TEX36: variants seen among roughly 807,000 people sequenced by gnomAD.
TEX36 encodes the protein testis-expressed protein 36.
TEX36 carries 12 observed loss-of-function variants against 13.6 expected under a neutral mutation model. The ratio of observed to expected loss-of-function variants is 0.88; its 90% CI spans 0.56 to 1.43. The LOEUF (loss-of-function observed/expected upper bound fraction) is 1.43. TEX36 is among the 40% of genes most tolerant of loss of function. The pLI is 0.00. For synonymous variants in TEX36, 93 were observed against 83.0 expected (o/e 1.12, Z -0.65); for missense variants, 224 against 228.3 (o/e 0.98, Z 0.12).
intron 2 of TEX36, among the ~76,000 whole-genome samples, chr10:125,661,331 A>G (rs1414160262): frequency 6.6e-6 from 1 of 152,188 alleles, no homozygotes; most frequent in Non-Finnish European, 1.5e-5. Context: ...AAAGTCATAA[A>G]AATTATCTTT....
At chr10:125,614,319 C>T (rs992204909) in intron 3 of TEX36, among the ~76,000 whole-genome samples, 176 of 152,210 alleles carry the variant, frequency 1.2e-3, no homozygotes, top group African/African-American at 3.8e-3. Flanking sequence ...GCTTTTGTTG[C>T]CATTGCTTTT....
At chr10:125,589,071 A>G (rs1168781532) in intron 3 of TEX36, among the ~76,000 whole-genome samples, 1 of 152,226 alleles carries the variant, frequency 6.6e-6, no homozygotes, top group Admixed American at 6.5e-5. Context: ...TATGGAGAGG[A>G]AAACATCAAA....
intron 3 of TEX36, among the ~76,000 whole-genome samples, chr10:125,644,899 G>A (rs1846744616): frequency 1.3e-5 from 2 of 152,174 alleles, no homozygotes; most frequent in South Asian, 4.1e-4. Flanking sequence ...CTTGAGAGAG[G>A]CATTCCACTC....
downstream of TEX36, among the ~76,000 whole-genome samples, chr10:125,619,654 T>G (rs1846403977): frequency 1.3e-5 from 2 of 151,874 alleles, no homozygotes; most frequent in Non-Finnish European, 2.9e-5. Context: ...GGGTCCAGGT[T>G]CAAGCAATTC....
chr10:125,611,458 A>G (rs1846289000), intron 3 of TEX36, among the ~76,000 whole-genome samples: 1 of 152,240 alleles, frequency 6.6e-6, no homozygotes, highest in Non-Finnish European at 1.5e-5. Context: ...TGATGACAAC[A>G]GAAGGCAAAT....
At chr10:125,662,809 G>A (rs1589781426) in intron 1 of TEX36, among the ~76,000 whole-genome samples, 1 of 152,144 alleles carries the variant, frequency 6.6e-6, no homozygotes, top group African/African-American at 2.4e-5. Context: ...CTGTAGGTGT[G>A]GGCAGTGAGG....
chr10:125,582,837 T>C (rs1293129503), intron 3 of TEX36, among the ~76,000 whole-genome samples: 1 of 152,200 alleles, frequency 6.6e-6, no homozygotes, highest in Non-Finnish European at 1.5e-5. Flanking sequence ...TGTCAATATA[T>C]AGCCAAATGG....
downstream of TEX36, among the ~76,000 whole-genome samples, chr10:125,620,954 G>T (rs1846423851): frequency 1.3e-5 from 2 of 152,100 alleles, 1 homozygote; most frequent in Non-Finnish European, 2.9e-5. Flanking sequence ...GCATGTGTCA[G>T]AATTTCCTTC....
intron 3 of TEX36, among the ~76,000 whole-genome samples, chr10:125,602,851 C>G (rs1021101441): frequency 6.6e-6 from 1 of 152,230 alleles, no homozygotes; most frequent in African/African-American, 2.4e-5. Flanking sequence ...CCATGGAATA[C>G]TCGTTAAGAA....
rs188491803 is a variant in TEX36, at chr10:125,650,002, C to A, written c.264+11019G>T. On this transcript the variant is annotated intron_variant, in intron 3 of 3. Transcript: ENST00000526819. ...GAGCACCCAGATTCACAAAGCAAGTCCTTAGAGACCTAGAAAGAGACTTAG... is the reference window on the plus strand; with the variant it reads ...GAGCACCCAGATTCACAAAGCAAGTACTTAGAGACCTAGAAAGAGACTTAG... 2.1e-4 allele frequency among the ~76,000 whole-genome samples: 32 copies of A among 152,226 alleles called. 1 individual carries two copies. The East Asian group carries it at 6.2e-3, about 29-fold the overall frequency.
intron 3 of TEX36, among the ~76,000 whole-genome samples, chr10:125,644,285 A>T (rs1304071241): frequency 6.6e-6 from 1 of 152,236 alleles, no homozygotes; most frequent in African/African-American, 2.4e-5. Flanking sequence ...TAGACAAAAA[A>T]TATAAAGGAA....
chr10:125,648,429 G>A (rs1260850379), intron 3 of TEX36, among the ~76,000 whole-genome samples: 1 of 152,174 alleles, frequency 6.6e-6, no homozygotes, highest in African/African-American at 2.4e-5. Context: ...CAACAGACCT[G>A]CAGCTGAGGG....
intron 3 of TEX36, among the ~76,000 whole-genome samples, chr10:125,627,686 A>G (rs1469733017): frequency 6.6e-6 from 1 of 152,238 alleles, no homozygotes; most frequent in Non-Finnish European, 1.5e-5. Context: ...ACAAATATAC[A>G]AATAAATAAT....
At chr10:125,593,152 C>T (rs1846042342) in intron 3 of TEX36, among the ~76,000 whole-genome samples, 1 of 152,250 alleles carries the variant, frequency 6.6e-6, no homozygotes, top group South Asian at 2.1e-4. Flanking sequence ...GTTGATTCTT[C>T]TGGCAACCAT....
chr10:125,622,885 C>A (rs1323447878), intron 3 of TEX36, among the ~76,000 whole-genome samples: 1 of 152,188 alleles, frequency 6.6e-6, no homozygotes, highest in South Asian at 2.1e-4. Context: ...GTGTTAACTT[C>A]CAGTTCAATG....
At chr10:125,618,680 G>A (rs1383426128), downstream of TEX36, among the ~76,000 whole-genome samples, 2 of 151,942 alleles carry the variant, frequency 1.3e-5, no homozygotes, top group Non-Finnish European at 2.9e-5. Context: ...TGATACCATG[G>A]CCTTCAGCTA....
At chr10:125,680,542 G>A (rs1176802173) in intron 1 of TEX36, among the ~76,000 whole-genome samples, 1 of 152,114 alleles carries the variant, frequency 6.6e-6, no homozygotes, top group African/African-American at 2.4e-5. Context: ...AAATAGGAAG[G>A]GGCAAGTGTG....
At chr10:125,611,898 C>T (rs1288613793) in intron 3 of TEX36, among the ~76,000 whole-genome samples, 1 of 151,812 alleles carries the variant, frequency 6.6e-6, no homozygotes, top group African/African-American at 2.4e-5. Flanking sequence ...CTGATTTCCC[C>T]AGTCAGGTAA....
chr10:125,680,262 G>C (rs1269203426), intron 1 of TEX36, among the ~76,000 whole-genome samples: 1 of 152,096 alleles, frequency 6.6e-6, no homozygotes, highest in Non-Finnish European at 1.5e-5. Context: ...GGTTGGGGGA[G>C]GCTGTTCTAA....
Sources: gnomAD v4.1 joint callset for allele counts (sites outside exome capture counted in the v4.1 genomes callset) on GRCh38, gnomAD v4.1.1 for gene constraint, MANE v1.5 for transcripts, NCBI Gene and HGNC (gene_info 2026-07-23, HGNC 2026-07-21) for gene names.